CMYA5: variants seen among roughly 807,000 people sequenced by gnomAD.
CMYA5 encodes the protein cardiomyopathy-associated protein 5.
In CMYA5, 246 loss-of-function variants were observed where a neutral mutation model predicts 318.9. That is an observed-to-expected ratio of 0.77 (90% CI 0.70 to 0.86). The LOEUF (loss-of-function observed/expected upper bound fraction) is 0.86. Among genes scored for constraint, CMYA5 ranks in the 40% least tolerant of loss-of-function variants. CMYA5 has a pLI of 0.00. For missense variants in CMYA5, 4,589 were observed against 4,678.2 expected, an observed-to-expected ratio of 0.98 and a Z score of 0.56; for synonymous variants, 1,641 against 1,729.5, an observed-to-expected ratio of 0.95 and a Z score of 1.27.
chr5:79,798,052 C>G (rs1282771202), intron 12 of CMYA5, among the ~76,000 whole-genome samples: 3 of 152,146 alleles, frequency 2.0e-5, no homozygotes, highest in African/African-American at 7.2e-5. Context: ...ATTCTGGCAT[C>G]TCTCTCATTA....
At chr5:79,711,043 C>G (rs1336169881) in intron 1 of CMYA5, among the ~76,000 whole-genome samples, 1 of 152,156 alleles carries the variant, frequency 6.6e-6, no homozygotes, top group Non-Finnish European at 1.5e-5. Flanking sequence ...ATCTCCAATT[C>G]TGAGGTTTTA....
Position 79,733,196 on chromosome 5 carries a change from A to G in CMYA5, c.4431A>G (p.Thr1477=), listed in dbSNP as rs1418556853. 1.2e-6 allele frequency: 2 copies of G among 1,613,646 alleles called. No homozygotes were observed. Among genetic ancestry groups the G allele is most frequent in the African/African-American group, 2.7e-5 (2 of 74,924 alleles). ...EVKAGLPVIK[T]SSSQHSDKSE... ...AAGCTGGGTTGCCAGTAATCAAAAC[A>G]TCATCTTCTCAGCATTCAGATAAAT... The change falls in exon 2 of 13, where the codon ACA becomes ACG. Residue 1477 remains threonine (T), a synonymous_variant. Transcript: ENST00000446378.
chr5:79,799,762 C>A lies in CMYA5; in HGVS notation c.*146C>A. 1 of 1,043,266 alleles carries A rather than the reference C, an allele frequency of 9.6e-7. No individual in the cohort carries two copies. The highest frequency in any genetic ancestry group is 1.3e-6 in the Non-Finnish European group (1 of 747,570). 64.6% of individuals were successfully genotyped at this position (1,043,266 alleles called of 1,614,324 possible). On this transcript the variant is annotated 3_prime_UTR_variant, in exon 13 of 13. Coordinates refer to ENST00000446378, the MANE Select transcript of CMYA5 (RefSeq NM_153610.5). ...GCATGCATAGCAATCAGCATGTGAG[C>A]AAAATCGACAAGAAAACCTTGACTT... is the stretch of plus-strand genomic sequence containing the variant.
intron 1 of CMYA5, among the ~76,000 whole-genome samples, chr5:79,691,694 CG>C (rs1826973526): frequency 6.6e-6 from 1 of 152,162 alleles, no homozygotes; most frequent in Non-Finnish European, 1.5e-5. Context: ...CACGTATCGA[CG>C]AAAAAGCATC....
Position 79,737,178 on chromosome 5 carries a change from T to C in CMYA5, c.8413T>C (p.Ser2805Pro), listed in dbSNP as rs1490283358. Residue 2805 changes from serine (S) to proline (P), a missense_variant, in exon 2 of 13, where the codon TCA (serine) becomes CCA (proline). Transcript: ENST00000446378. ...TCGTCCTTTTGATGAAACTAAGAGC[T>C]CAGAAACACCGCCATATTTGCTGTC... is the stretch of plus-strand genomic sequence containing the variant. ...LARPFDETKSSETPPYLLSPV... is the reference protein window; with the variant it reads ...LARPFDETKSPETPPYLLSPV... The C allele has an allele frequency of 6.2e-7, 1 of 1,613,152 alleles. No homozygotes were observed. The highest frequency in any genetic ancestry group is 1.7e-5 in the Admixed American group (1 of 59,840).
Position 79,763,094 on chromosome 5 carries a change from T to C in CMYA5, c.11440T>C (p.Cys3814Arg), listed in dbSNP as rs752666282. 4 of 1,613,918 alleles carry C rather than the reference T, an allele frequency of 2.5e-6. No individual in the cohort carries two copies. The South Asian group carries it at 3.3e-5, about 13-fold the overall frequency. Reference sequence around the variant, plus strand: ...CACCCCTGTGATCCGCGCTGAGGACTGTACTGTGTGTTGGAACACAGCCAC... The same window carrying C: ...CACCCCTGTGATCCGCGCTGAGGACCGTACTGTGTGTTGGAACACAGCCAC... ...PSTPVIRAED[C>R]TVCWNTATIR... Residue 3814 changes from cysteine to arginine, a missense_variant, in exon 9 of 13, where the codon TGT (cysteine) becomes CGT (arginine). Cys to Arg is a radical substitution (Grantham distance 180, BLOSUM62 -3). Around this residue, in one of 3 missense-constraint regions of CMYA5, gnomAD observed 2,431 missense variants for 2,495.1 expected, o/e 0.97. Coordinates refer to ENST00000446378, the MANE Select transcript of CMYA5 (RefSeq NM_153610.5).
chr5:79,719,116 A>T (rs563708685), intron 1 of CMYA5, among the ~76,000 whole-genome samples: 1 of 152,328 alleles, frequency 6.6e-6, no homozygotes, highest in African/African-American at 2.4e-5. Context: ...TTTTAAGGAA[A>T]GAATGAGAGA....
Position 79,733,718 on chromosome 5 carries a change from C to T in CMYA5, c.4953C>T (p.Ser1651=). The change falls in exon 2 of 13, where the codon TCC becomes TCT. Residue 1651 remains serine, a synonymous_variant. Coordinates refer to ENST00000446378, the MANE Select transcript of CMYA5 (RefSeq NM_153610.5). ...FSSDLGRQSG[S]IGTKQAKSPI... The stretch of plus-strand genomic sequence containing the variant: ...GTGATTTAGGTAGACAAAGTGGATC[C>T]ATAGGTACAAAACAAGCAAAGTCTC... 6.2e-7 allele frequency: 1 copy of T among 1,613,770 alleles called. No individual in the cohort carries two copies. The highest frequency in any genetic ancestry group is 8.5e-7 in the Non-Finnish European group (1 of 1,179,810).
At chr5:79,759,555 G>GT (rs1479661785) in intron 7 of CMYA5, among the ~76,000 whole-genome samples, 3 of 150,838 alleles carry the variant, frequency 2.0e-5, no homozygotes, top group African/African-American at 4.8e-5. Context: ...CTGAGCCTCT[G>GT]TAAGTATCTC....
intron 11 of CMYA5, 124 bp downstream of exon 11, chr5:79,791,193 C>T: frequency 4.6e-6 from 3 of 654,018 alleles, no homozygotes; most frequent in East Asian, 2.7e-5. Flanking sequence ...GATGTGGTCT[C>T]AAATATCAAT....
Position 79,737,343 on chromosome 5 carries a change from G to A in CMYA5, c.8578G>A (p.Asp2860Asn), listed in dbSNP as rs777068580. ...TCAGACATCTAAAGATGACACATCC[G>A]ATGTGCCTAAACAATCTGTTCTTGT... Reference protein sequence around the residue: ...TIQTSKDDTSDVPKQSVLVSK... With the variant: ...TIQTSKDDTSNVPKQSVLVSK... The change falls in exon 2 of 13, where the codon GAT (aspartate) becomes AAT (asparagine). Residue 2860 changes from aspartate (D) to asparagine (N), a missense_variant. By Grantham distance (23) the Asp-to-Asn change is conservative (BLOSUM62 1). Coordinates refer to ENST00000446378, the MANE Select transcript of CMYA5 (RefSeq NM_153610.5). 21 of 1,613,678 alleles carry A rather than the reference G, an allele frequency of 1.3e-5. No individual in the cohort carries two copies. The highest frequency in any genetic ancestry group is 6.7e-5 in the Admixed American group (4 of 59,976).
At chr5:79,752,508 A>G (rs1197510338) in intron 5 of CMYA5, among the ~76,000 whole-genome samples, 168 bp from the exon 6 acceptor site, 1 of 152,250 alleles carries the variant, frequency 6.6e-6, no homozygotes, top group Non-Finnish European at 1.5e-5. Context: ...GATTTTAGAC[A>G]TATATTTCAA....
chr5:79,739,250 A>T lies in CMYA5; in HGVS notation c.10485A>T (p.Val3495=). The change falls in exon 2 of 13, where the codon GTA becomes GTT. Residue 3495 remains valine (V), a synonymous_variant. Coordinates refer to ENST00000446378, the MANE Select transcript of CMYA5 (RefSeq NM_153610.5). ...AAGAAGACCAATTATCATCTGAGGT[A>T]GTAACTGAAAAGGCACAAAAAGAGC... ...RKEEDQLSSE[V]VTEKAQKELK... 6.2e-7 allele frequency: 1 copy of T among 1,612,692 alleles called. No individual in the cohort carries two copies. The highest frequency in any genetic ancestry group is 1.1e-5 in the South Asian group (1 of 90,706).
chr5:79,739,309 C>T lies in CMYA5; in HGVS notation c.10544C>T (p.Thr3515Ile), dbSNP rs372352332. The T allele has an allele frequency of 1.9e-6, 3 of 1,597,766 alleles. No individual in the cohort carries two copies. Among genetic ancestry groups the T allele is most frequent in the South Asian group, 1.1e-5 (1 of 87,948 alleles). Residue 3515 changes from threonine to isoleucine, a missense_variant, in exon 2 of 13, where the codon ACC (threonine) becomes ATC (isoleucine). By Grantham distance (89) the Thr-to-Ile change is moderately conservative. Around this residue, in one of 3 missense-constraint regions of CMYA5, gnomAD observed 2,431 missense variants for 2,495.1 expected, o/e 0.97. Coordinates refer to ENST00000446378, the MANE Select transcript of CMYA5 (RefSeq NM_153610.5). ...KKSQIDTYCY[T>I]CKCPISATDK... ...TCCCAGATTGACACATACTGTTACACCTGCAAATGTCCAATTTCTGCCACT... is the reference window on the plus strand; with the variant it reads ...TCCCAGATTGACACATACTGTTACATCTGCAAATGTCCAATTTCTGCCACT...
chr5:79,701,941 C>T (rs531665805), intron 1 of CMYA5, among the ~76,000 whole-genome samples: 121 of 151,980 alleles, frequency 8.0e-4, no homozygotes, highest in African/African-American at 2.8e-3. Flanking sequence ...TCCTGGCTAA[C>T]ACAGTGAAAC....
intron 5 of CMYA5, among the ~76,000 whole-genome samples, chr5:79,748,551 A>G (rs1828374019): frequency 7.3e-6 from 1 of 137,296 alleles, no homozygotes; most frequent in South Asian, 2.3e-4. Flanking sequence ...CTATCTATCT[A>G]TATTTTTTTG....
intron 10 of CMYA5, 84 bp downstream of exon 10, chr5:79,789,188 C>G (rs1829134250): frequency 2.0e-5 from 30 of 1,469,578 alleles, no homozygotes; most frequent in Non-Finnish European, 2.7e-5. Context: ...TAGAGGGCAA[C>G]TTTATAAACT....
intron 1 of CMYA5, among the ~76,000 whole-genome samples, chr5:79,712,179 G>A (rs73123831): frequency 0.047 from 7,189 of 152,188 alleles, 517 homozygotes; most frequent in African/African-American, 0.16. Flanking sequence ...AGCATCTGCT[G>A]GAGTGAGACA....
intron 1 of CMYA5, among the ~76,000 whole-genome samples, chr5:79,708,749 A>G (rs944687318): frequency 2.0e-5 from 3 of 151,220 alleles, no homozygotes; most frequent in East Asian, 2.0e-4. Context: ...CCTGGCCAAC[A>G]TGGTAAAACC....
Sources: gnomAD v4.1 joint callset for allele counts (sites outside exome capture counted in the v4.1 genomes callset) on GRCh38, gnomAD v4.1.1 for gene constraint, gnomAD v4.1.1 regional missense constraint, MANE v1.5 for transcripts, NCBI Gene and HGNC (gene_info 2026-07-23, HGNC 2026-07-21) for gene names.